Variants in RHD observed in about 807,000 individuals in gnomAD.
RHD encodes blood group Rh(D) polypeptide.
In RHD, 16 loss-of-function variants were observed where a neutral mutation model predicts 45.5. That is an observed-to-expected ratio of 0.35 (90% CI 0.24 to 0.53). RHD has a LOEUF of 0.53. Ranked by LOEUF, RHD falls within the 20% of genes least tolerant of loss-of-function variation. The pLI is 0.92. For synonymous variants in RHD, 131 were observed against 217.5 expected, an observed-to-expected ratio of 0.60 and a Z score of 3.50; for missense variants, 306 against 532.0, an observed-to-expected ratio of 0.58 and a Z score of 4.18.
Position 25,307,772 on chromosome 1 carries a change from C to T in RHD, c.1073+1043C>T, listed in dbSNP as rs1333746082. 1.2e-5 allele frequency: 15 copies of T among 1,301,830 alleles called. 3 individuals carry two copies. The South Asian group carries it at 1.4e-4, about 12-fold the overall frequency. The allele number at this position is 1,301,830 out of a possible 1,614,324, so 80.6% of individuals were successfully genotyped here. A position where few individuals can be genotyped will look rare whatever the true frequency, so the allele number is the denominator to read the frequency against. On this transcript the variant is annotated intron_variant, in intron 7 of 9. Coordinates refer to ENST00000328664, the MANE Select transcript of RHD (RefSeq NM_016124.6). ...CCTACCGGTTCTTGGATGCCTTCTA[C>T]AGAGACAACCATAGCCCCAAATTAT...
chr1:25,277,816 A>T (rs1641143307), intron 1 of RHD, among the ~76,000 whole-genome samples: 1 of 123,660 alleles, frequency 8.1e-6, no homozygotes, highest in Non-Finnish European at 1.9e-5. Flanking sequence ...CTGGGATTAC[A>T]GGCATGCGCC....
Position 25,298,888 on chromosome 1 carries a change from T to C in RHD, c.487-2058T>C, listed in dbSNP as rs1322015302. Among the ~76,000 whole-genome samples, 14 of 127,354 alleles carry C rather than the reference T, an allele frequency of 1.1e-4. 3 individuals are homozygous for C. Among genetic ancestry groups the C allele is most frequent in the Admixed American group, 3.8e-4 (5 of 13,118 alleles). 83.5% of individuals were successfully genotyped at this position (127,354 alleles called of 152,430 possible). Reference sequence around the variant, plus strand: ...AACACGAAAAGTTGGGGAGAGAGGATAACTGTTTGAGAGGGTGGCCAGGGG... The same window carrying C: ...AACACGAAAAGTTGGGGAGAGAGGACAACTGTTTGAGAGGGTGGCCAGGGG... On this transcript the variant is annotated intron_variant, in intron 3 of 9. Coordinates refer to ENST00000328664, the MANE Select transcript of RHD (RefSeq NM_016124.6).
chr1:25,307,737 C>T lies in RHD; in HGVS notation c.1073+1008C>T, dbSNP rs1252934538. ...ACGTGTCTCAGAGAAATCATGGAGGCGCTGCGGTTCCTACCGGTTCTTGGA... is the reference window on the plus strand; with the variant it reads ...ACGTGTCTCAGAGAAATCATGGAGGTGCTGCGGTTCCTACCGGTTCTTGGA... On this transcript the variant is annotated intron_variant, in intron 7 of 9. Transcript: ENST00000328664. 234 of 1,307,138 alleles carry T rather than the reference C, an allele frequency of 1.8e-4. 66 individuals are homozygous for T. The highest frequency in any genetic ancestry group is 2.3e-4 in the Non-Finnish European group (217 of 949,318). 81.0% of individuals were successfully genotyped at this position (1,307,138 alleles called of 1,614,324 possible). A position where few individuals can be genotyped will look rare whatever the true frequency, so the allele number is the denominator to read the frequency against.
In RHD at chr1:25,293,205, G is replaced by A. The variant is rs1263339158; in HGVS notation, c.486+2414G>A. Among the ~76,000 whole-genome samples the A allele has an allele frequency of 2.3e-5, 3 of 130,492 alleles. 1 individual carries two copies. Among genetic ancestry groups the A allele is most frequent in the Non-Finnish European group, 5.4e-5 (3 of 55,472 alleles). The allele number at this position is 130,492 out of a possible 152,430, so 85.6% of individuals were successfully genotyped here. A position where few individuals can be genotyped will look rare whatever the true frequency, so the allele number is the denominator to read the frequency against. ...TAAAGGGGAACAGAGAAATGGAGGAGAAGCAGGAGGGCAATAATCCGATAG... is the reference window on the plus strand; with the variant it reads ...TAAAGGGGAACAGAGAAATGGAGGAAAAGCAGGAGGGCAATAATCCGATAG... On this transcript the variant is annotated intron_variant, in intron 3 of 9. Coordinates refer to ENST00000328664, the MANE Select transcript of RHD (RefSeq NM_016124.6).
In RHD at chr1:25,309,663, T is replaced by G. The variant is rs1266806325; in HGVS notation, c.1073+2934T>G. ...CTGGGAAGCATCTGGCCAAGCTTTGTGGACAGGCCTGCCTAGTTTGAATCC... is the reference window on the plus strand; with the variant it reads ...CTGGGAAGCATCTGGCCAAGCTTTGGGGACAGGCCTGCCTAGTTTGAATCC... On this transcript the variant is annotated intron_variant, in intron 7 of 9. Coordinates refer to ENST00000328664, the MANE Select transcript of RHD (RefSeq NM_016124.6). Among the ~76,000 whole-genome samples the G allele has an allele frequency of 1.5e-5, 2 of 132,260 alleles. 1 individual carries two copies. Among genetic ancestry groups the G allele is most frequent in the Non-Finnish European group, 3.6e-5 (2 of 55,998 alleles). 86.8% of individuals were successfully genotyped at this position (132,260 alleles called of 152,430 possible).
At chr1:25,280,425 C>A (rs1402242658) in intron 1 of RHD, among the ~76,000 whole-genome samples, 2 of 127,356 alleles carry the variant, frequency 1.6e-5, no homozygotes. Context: ...CCTGCCTCAG[C>A]CTCCTGAGTA....
intron 7 of RHD, among the ~76,000 whole-genome samples, chr1:25,310,073 C>T (rs550679763): frequency 1.5e-5 from 2 of 132,374 alleles, no homozygotes; most frequent in East Asian, 2.0e-4. Context: ...CTTCTGATAT[C>T]CCCACATAAC....
rs1220482255 is a variant in RHD at position 25,277,738 on chromosome 1, G to A, written c.148+5043G>A. On this transcript the variant is annotated intron_variant, in intron 1 of 9. Coordinates refer to ENST00000328664, the MANE Select transcript of RHD (RefSeq NM_016124.6). ...ATTGCCCAGGGGAGTGCAGTGGTGC[G>A]ATCTTGGCTCACCGCAACCTCCACC... Among the ~76,000 whole-genome samples, 4 of 122,318 alleles carry A rather than the reference G, an allele frequency of 3.3e-5. 1 individual carries two copies. Among genetic ancestry groups the A allele is most frequent in the Non-Finnish European group, 7.7e-5 (4 of 51,738 alleles). 80.2% of individuals were successfully genotyped at this position (122,318 alleles called of 152,430 possible). A position where few individuals can be genotyped will look rare whatever the true frequency, so the allele number is the denominator to read the frequency against.
In RHD at chr1:25,291,822, T is replaced by A. The variant is rs558603405; in HGVS notation, c.486+1031T>A. Reference sequence around the variant, plus strand: ...GGCCAATCCAAATGGCTCTCCCAGATCCTCTGCTGTAACCCTGACCCTGAG... The same window carrying A: ...GGCCAATCCAAATGGCTCTCCCAGAACCTCTGCTGTAACCCTGACCCTGAG... On this transcript the variant is annotated intron_variant, in intron 3 of 9. Coordinates refer to ENST00000328664, the MANE Select transcript of RHD (RefSeq NM_016124.6). Among the ~76,000 whole-genome samples, 4 of 132,640 alleles carry A rather than the reference T, an allele frequency of 3.0e-5. 1 individual carries two copies. The highest frequency in any genetic ancestry group is 1.8e-5 in the Non-Finnish European group (1 of 55,910). The allele number at this position is 132,640 out of a possible 152,430, so 87.0% of individuals were successfully genotyped here.
rs112224430 is a variant in RHD, at chr1:25,290,603, T to C, written c.336-38T>C. 4.1e-3 allele frequency: 5,498 copies of C among 1,330,364 alleles called. 898 individuals are homozygous for C. In the African/African-American group the frequency reaches 0.065, roughly 16 times the overall value. 82.4% of individuals were successfully genotyped at this position (1,330,364 alleles called of 1,614,324 possible). On this transcript the variant is annotated intron_variant, in intron 2 of 9. Coordinates refer to ENST00000328664, the MANE Select transcript of RHD (RefSeq NM_016124.6). ...TGAATGAATGAGTGAGAGGCATCCT[T>C]CCTTCTCAGTCGTCCTGGCTCTCCC... is the stretch of plus-strand genomic sequence containing the variant.
chr1:25,290,123 G>A (rs1304727076), intron 2 of RHD, among the ~76,000 whole-genome samples: 1 of 128,134 alleles, frequency 7.8e-6, no homozygotes, highest in Admixed American at 7.6e-5. Context: ...ACTGGAAGCC[G>A]GGCTTGTCCT....
intron 7 of RHD, among the ~76,000 whole-genome samples, chr1:25,314,893 G>A (rs1463969768): frequency 7.7e-6 from 1 of 130,668 alleles, no homozygotes; most frequent in African/African-American, 2.6e-5. Flanking sequence ...TTTATGTTTA[G>A]TTCTTTTATG....
rs980150178 is a variant in RHD at position 25,312,598 on chromosome 1, A to G, written c.1074-4402A>G. ...GTCTCTACAAAAAATAAAAATAAAA[A>G]AATTAGCCAGGTATTGTGGCATATA... On this transcript the variant is annotated intron_variant, in intron 7 of 9. Transcript: ENST00000328664. 5.4e-5 allele frequency among the ~76,000 whole-genome samples: 7 copies of G among 129,060 alleles called. 2 individuals are homozygous for G. The highest frequency in any genetic ancestry group is 1.3e-4 in the Non-Finnish European group (7 of 54,704). The allele number at this position is 129,060 out of a possible 152,430, so 84.7% of individuals were successfully genotyped here.
At position 25,309,307 on chromosome 1, in the gene RHD, G is replaced by C. The variant is rs1166115830; in HGVS notation, c.1073+2578G>C. 1.5e-5 allele frequency among the ~76,000 whole-genome samples: 2 copies of C among 131,222 alleles called. 1 individual carries two copies. Among genetic ancestry groups the C allele is most frequent in the Non-Finnish European group, 3.6e-5 (2 of 55,788 alleles). 86.1% of individuals were successfully genotyped at this position (131,222 alleles called of 152,430 possible). Reference sequence around the variant, plus strand: ...TGCAGATACTCTTTTTCAATTCTCAGTCCTTTGATTACGTCAGGGAGAAAA... The same window carrying C: ...TGCAGATACTCTTTTTCAATTCTCACTCCTTTGATTACGTCAGGGAGAAAA... On this transcript the variant is annotated intron_variant, in intron 7 of 9. Transcript: ENST00000328664.
At chr1:25,277,354 G>A (rs1250665818) in intron 1 of RHD, among the ~76,000 whole-genome samples, 4 of 131,372 alleles carry the variant, frequency 3.0e-5, no homozygotes, top group Non-Finnish European at 5.4e-5. Context: ...CAGACCTGCT[G>A]CCTCAGCATC....
In RHD at chr1:25,292,543, C is replaced by A. The variant is rs1219269155; in HGVS notation, c.486+1752C>A. Among the ~76,000 whole-genome samples, 3 of 130,406 alleles carry A rather than the reference C, an allele frequency of 2.3e-5. 1 individual carries two copies. Among genetic ancestry groups the A allele is most frequent in the South Asian group, 4.8e-4 (2 of 4,180 alleles). The allele number at this position is 130,406 out of a possible 152,430, so 85.6% of individuals were successfully genotyped here. On this transcript the variant is annotated intron_variant, in intron 3 of 9. Coordinates refer to ENST00000328664, the MANE Select transcript of RHD (RefSeq NM_016124.6). ...AAGGTTCTCATCTGGCACAACTCAG[C>A]GGCTGCTGGTGCCATTTACTGAGAT... is the stretch of plus-strand genomic sequence containing the variant.
rs1644976450 is a variant in RHD, at chr1:25,330,344, G to A, written c.*1420G>A. ...AGCTATATGTATGGTTGTTACTATG[G>A]GAAATCTTGTTTTGCCAATTTTCTT... On this transcript the variant is annotated 3_prime_UTR_variant, in exon 10 of 10. Transcript: ENST00000328664. The A allele has an allele frequency of 7.6e-6, 1 of 132,364 alleles. No homozygotes were observed. Among genetic ancestry groups the A allele is most frequent in the African/African-American group, 2.6e-5 (1 of 38,792 alleles). The allele number at this position is 132,364 out of a possible 1,614,324, so 8.2% of individuals were successfully genotyped here.
Position 25,312,268 on chromosome 1 carries a change from G to A in RHD, c.1074-4732G>A, listed in dbSNP as rs900641240. Among the ~76,000 whole-genome samples the A allele has an allele frequency of 1.3e-4, 13 of 99,382 alleles. 2 individuals are homozygous for A. Among genetic ancestry groups the A allele is most frequent in the Admixed American group, 9.9e-5 (1 of 10,110 alleles). 65.2% of individuals were successfully genotyped at this position (99,382 alleles called of 152,430 possible). ...TTGCCTCTTTTTCCTTTTAGAATGGGAATGTCTGTCCTATGCCTGTTCCAC... is the reference window on the plus strand; with the variant it reads ...TTGCCTCTTTTTCCTTTTAGAATGGAAATGTCTGTCCTATGCCTGTTCCAC... On this transcript the variant is annotated intron_variant, in intron 7 of 9. Coordinates refer to ENST00000328664, the MANE Select transcript of RHD (RefSeq NM_016124.6).
At chr1:25,276,868 C>A (rs1557512968) in intron 1 of RHD, among the ~76,000 whole-genome samples, 1 of 131,874 alleles carries the variant, frequency 7.6e-6, no homozygotes, top group Non-Finnish European at 1.8e-5. Flanking sequence ...AGATGGAGAC[C>A]ATCCTGGCTA....
Sources: allele counts gnomAD v4.1 joint callset (sites outside exome capture counted in the v4.1 genomes callset), GRCh38; gene constraint gnomAD v4.1.1; transcripts MANE v1.5; gene names NCBI Gene and HGNC (gene_info 2026-07-23, HGNC 2026-07-21).